PLXNA4: variants seen among roughly 807,000 people sequenced by gnomAD.
PLXNA4 encodes plexin A4.
Under a neutral mutation model 191.8 loss-of-function variants are expected in PLXNA4, and 44 were observed. The ratio of observed to expected loss-of-function variants is 0.23; its 90% CI spans 0.18 to 0.29. The LOEUF (loss-of-function observed/expected upper bound fraction) is 0.29, where lower values mean the gene tolerates loss of function less well. PLXNA4 is among the 10% of genes least tolerant of loss of function. PLXNA4 has a pLI of 1.00. For missense variants in PLXNA4, 1,800 were observed against 2,488.8 expected (o/e 0.72, Z 5.89); for synonymous variants, 1,082 against 1,009.5 (o/e 1.07, Z -1.36).
chr7:132,508,082 C>T lies in PLXNA4; in HGVS notation c.612G>A (p.Leu204=), dbSNP rs752862583. ...TGCCATCCGCCTCAGAGTTCTTGGT[C>T]AGTTTCCGGCTGGAGATGGTGGGAA... is the stretch of plus-strand genomic sequence containing the variant. The part of the protein sequence containing the change: ...EYFPTISSRK[L]TKNSEADGMF... The change falls in exon 2 of 32, where the codon CTG becomes CTA. Residue 204 remains leucine, a synonymous_variant. Transcript: ENST00000321063. This position sits in a 1 kb window ranked among gnomAD's most constrained non-coding sequence, Gnocchi z 4.4. 1.9e-6 allele frequency: 3 copies of T among 1,614,108 alleles called. No individual in the cohort carries two copies. The highest frequency in any genetic ancestry group is 2.5e-6 in the Non-Finnish European group (3 of 1,180,052).
chr7:132,385,359 T>A, intron 3 of PLXNA4: 1 of 1,522,130 alleles, frequency 6.6e-7, no homozygotes, highest in Non-Finnish European at 8.8e-7. Context: ...ATAAGCCTCC[T>A]TATTCCCCTC....
At chr7:132,501,243 G>C (rs1798238046) in intron 2 of PLXNA4, among the ~76,000 whole-genome samples, 2 of 152,176 alleles carry the variant, frequency 1.3e-5, no homozygotes, top group African/African-American at 4.8e-5. Flanking sequence ...AGCAAGAGGA[G>C]AGAAACAGAG....
intron 3 of PLXNA4, among the ~76,000 whole-genome samples, chr7:132,397,598 A>G (rs1470282164): frequency 6.6e-6 from 1 of 152,226 alleles, no homozygotes; most frequent in East Asian, 1.9e-4. Context: ...AGACAAGAAC[A>G]GAGAGAACCA....
rs190087624 is a variant in PLXNA4 at position 132,612,947 on chromosome 7, A to G, written c.-87+32981T>C. On this transcript the variant is annotated intron_variant, in intron 2 of 4. Coordinates refer to the PLXNA4 transcript ENST00000378539. ...ATGATCTTCGTAAGAATATATATAC[A>G]TTTACTACATTACACAGTCACCTAG... is the stretch of plus-strand genomic sequence containing the variant. 5.7e-3 allele frequency among the ~76,000 whole-genome samples: 866 copies of G among 152,138 alleles called. 8 individuals carry two copies. The highest frequency in any genetic ancestry group is 0.041 in the Middle Eastern group (12 of 294).
chr7:132,174,852 G>A lies in PLXNA4; in HGVS notation c.3943C>T (p.Leu1315=). ...SDLDGAGIPF[L]DYRTYTMRVL... ...CGCATGGTGTAAGTTCTATAGTCCA[G>A]GAACGGAATCCCGGCTCCATCCAGG... The change falls in exon 21 of 32, where the codon CTG becomes TTG. Residue 1315 remains leucine, a synonymous_variant. Transcript: ENST00000321063. 1.9e-6 allele frequency: 3 copies of A among 1,614,210 alleles called. No homozygotes were observed. Among genetic ancestry groups the A allele is most frequent in the Non-Finnish European group, 2.5e-6 (3 of 1,180,042 alleles).
chr7:132,131,395 A>G (rs1253052728), intron 31 of PLXNA4, among the ~76,000 whole-genome samples: 2 of 151,946 alleles, frequency 1.3e-5, no homozygotes, highest in Non-Finnish European at 2.9e-5. Context: ...TCCAGGGGAG[A>G]GGATGTCAGA....
At chr7:132,493,759 ATGG>A (rs1797898886) in intron 2 of PLXNA4, among the ~76,000 whole-genome samples, 1 of 143,952 alleles carries the variant, frequency 6.9e-6, no homozygotes, top group East Asian at 2.0e-4. Flanking sequence ...GGATGGATGG[ATGG>A]ATGGATGGAT....
intron 29 of PLXNA4, 36 bp from the exon 30 acceptor site, chr7:132,140,847 CGGGGCAGTGGGGCTGTGGTGTGGGTAGGA>C: frequency 6.2e-7 from 1 of 1,610,622 alleles, no homozygotes; most frequent in Non-Finnish European, 8.5e-7. Context: ...TCAGGAAAGA[CGGGGCAGTGGGGCTGTGGTGTGGGTAGGA>C]GGGGTCTCTG....
At chr7:132,470,987 T>G (rs1796912542) in intron 3 of PLXNA4, among the ~76,000 whole-genome samples, 1 of 152,218 alleles carries the variant, frequency 6.6e-6, no homozygotes, top group Non-Finnish European at 1.5e-5. Context: ...AGTTGAATTG[T>G]AATCCTCAGT....
intron 3 of PLXNA4, among the ~76,000 whole-genome samples, chr7:132,441,823 C>G (rs1795711063): frequency 6.6e-6 from 1 of 152,208 alleles, no homozygotes; most frequent in Non-Finnish European, 1.5e-5. Flanking sequence ...CCAAGGCCAG[C>G]AAAGACTGAA....
chr7:132,312,488 T>C (rs985215619), intron 3 of PLXNA4, among the ~76,000 whole-genome samples: 1 of 152,182 alleles, frequency 6.6e-6, no homozygotes, highest in Admixed American at 6.5e-5. Context: ...GGATGGCACA[T>C]TAATATTAAT....
chr7:132,141,142 A>G (rs1032169298), intron 29 of PLXNA4, among the ~76,000 whole-genome samples: 2 of 152,180 alleles, frequency 1.3e-5, no homozygotes, highest in African/African-American at 4.8e-5. Context: ...GATGTATGCT[A>G]TAAAGCGGAA....
rs76446338 is a variant in PLXNA4 at position 132,278,022 on chromosome 7, A to G, written c.1503+20069T>C. On this transcript the variant is annotated intron_variant, in intron 4 of 31. Coordinates refer to ENST00000321063, the MANE Select transcript of PLXNA4 (RefSeq NM_020911.2). Reference sequence around the variant, plus strand: ...TAAGTGCCTGCTGAATTGAGTTAAAATGATGTCAATTAATAATAAGTGTAC... The same window carrying G: ...TAAGTGCCTGCTGAATTGAGTTAAAGTGATGTCAATTAATAATAAGTGTAC... 2.5e-3 allele frequency among the ~76,000 whole-genome samples: 383 copies of G among 152,356 alleles called. 5 individuals are homozygous for G. The East Asian group carries it at 0.052, about 21-fold the overall frequency.
At chr7:132,390,750 AC>A (rs1805373305) in intron 3 of PLXNA4, among the ~76,000 whole-genome samples, 1 of 151,618 alleles carries the variant, frequency 6.6e-6, no homozygotes, top group South Asian at 2.1e-4. Flanking sequence ...CCTGAGACAC[AC>A]CCAGCCCCAC....
intron 4 of PLXNA4, among the ~76,000 whole-genome samples, chr7:132,295,362 C>T (rs986462445): frequency 5.9e-5 from 9 of 152,046 alleles, no homozygotes; most frequent in Non-Finnish European, 1.0e-4. Flanking sequence ...ATGTGACAGC[C>T]GAGCTAAGTT....
intron 14 of PLXNA4, among the ~76,000 whole-genome samples, chr7:132,188,966 A>G (rs140665217): frequency 0.052 from 2,992 of 57,750 alleles, 187 homozygotes; most frequent in South Asian, 0.24. Context: ...AAGGAAAGGA[A>G]AGGAAAGGAA....
chr7:132,398,113 C>G (rs1338593786), intron 3 of PLXNA4, among the ~76,000 whole-genome samples: 1 of 152,238 alleles, frequency 6.6e-6, no homozygotes, highest in Non-Finnish European at 1.5e-5. Flanking sequence ...CACGCTGTGC[C>G]TCTAGCATGG....
chr7:132,373,860 A>G (rs1804547316), intron 3 of PLXNA4, among the ~76,000 whole-genome samples: 1 of 152,134 alleles, frequency 6.6e-6, no homozygotes, highest in Non-Finnish European at 1.5e-5. Flanking sequence ...TCTATCAGGG[A>G]GGTCTCCTGG....
intron 4 of PLXNA4, among the ~76,000 whole-genome samples, chr7:132,267,998 T>A (rs1799919959): frequency 6.6e-6 from 1 of 152,198 alleles, no homozygotes; most frequent in South Asian, 2.1e-4. Flanking sequence ...GCTTGCTTGA[T>A]TAGTTGGTTA....
Sources: allele counts gnomAD v4.1 joint callset (sites outside exome capture counted in the v4.1 genomes callset), GRCh38; gene constraint gnomAD v4.1.1; non-coding constraint Gnocchi (gnomAD v3.1); transcripts MANE v1.5; gene names NCBI Gene and HGNC (gene_info 2026-07-23, HGNC 2026-07-21).